ANKRD31: variants seen among roughly 807,000 people sequenced by gnomAD.
The protein encoded by ANKRD31 is ankyrin repeat domain 31, also known as ankyrin repeat domain-containing protein 31.
A neutral mutation model predicts 186.0 loss-of-function variants in ANKRD31; 147 were observed. The ratio of observed to expected loss-of-function variants is 0.79; its 90% CI spans 0.69 to 0.91. The LOEUF is 0.91. Among genes scored for constraint, ANKRD31 ranks in the 40% least tolerant of loss-of-function variants. ANKRD31 has a pLI of 0.00. For synonymous variants in ANKRD31, 673 were observed against 736.4 expected (o/e 0.91, Z 1.39); for missense variants, 1,986 against 2,148.8 (o/e 0.92, Z 1.50).
chr5:75,146,578 A>C lies in ANKRD31; in HGVS notation c.2833T>G (p.Phe945Val). The C allele has an allele frequency of 6.5e-7, 1 of 1,535,948 alleles. No individual in the cohort carries two copies. The highest frequency in any genetic ancestry group is 8.7e-7 in the Non-Finnish European group (1 of 1,146,242). The change falls in exon 14 of 26, where the codon TTT (phenylalanine) becomes GTT (valine). Residue 945 changes from phenylalanine (F) to valine (V), a missense_variant. Transcript: ENST00000506364. ...GAAAGATGATCTTCAGAAAGTAAAA[A>C]CTGTTGGAAACCCATTTCTTTTTTA... ...TNKKEMGFQQ[F>V]LLSEDHLSQE...
chr5:75,220,580 T>G (rs1757230159), intron 3 of ANKRD31, among the ~76,000 whole-genome samples: 1 of 150,748 alleles, frequency 6.6e-6, no homozygotes, highest in Admixed American at 6.6e-5. Context: ...AGGCAGACAC[T>G]ACAGTGAGCT....
At chr5:75,094,076 A>C (rs6453112) in intron 22 of ANKRD31, among the ~76,000 whole-genome samples, 76,738 of 152,010 alleles carry the variant, frequency 0.5, 22,319 homozygotes, top group African/African-American at 0.81. Context: ...ATAGATACAG[A>C]AGTTAGTGCT....
intron 3 of ANKRD31, among the ~76,000 whole-genome samples, chr5:75,220,153 A>C (rs577398221): frequency 6.6e-6 from 1 of 152,330 alleles, no homozygotes; most frequent in African/African-American, 2.4e-5. Flanking sequence ...ACCTAATTAA[A>C]CCAAACAGCT....
chr5:75,200,610 T>A (rs1755759760), intron 5 of ANKRD31, among the ~76,000 whole-genome samples: 1 of 150,210 alleles, frequency 6.7e-6, no homozygotes, highest in South Asian at 2.2e-4. Context: ...TTTACTTTCA[T>A]CATCAAGACC....
intron 1 of ANKRD31, among the ~76,000 whole-genome samples, chr5:75,234,080 T>C (rs1279981846): frequency 6.6e-6 from 1 of 152,242 alleles, no homozygotes; most frequent in Non-Finnish European, 1.5e-5. Context: ...AAATTATCCC[T>C]TTATGACAGA....
chr5:75,150,992 T>G (rs1751804840), intron 12 of ANKRD31, among the ~76,000 whole-genome samples: 1 of 151,988 alleles, frequency 6.6e-6, no homozygotes, highest in Non-Finnish European at 1.5e-5. Context: ...TTTGCTCTAA[T>G]GAACCATTAA....
intron 2 of ANKRD31, among the ~76,000 whole-genome samples, chr5:75,224,397 T>C (rs1025750481): frequency 6.6e-6 from 1 of 151,524 alleles, no homozygotes; most frequent in African/African-American, 2.4e-5. Flanking sequence ...TATATTATAC[T>C]AAAGCTAAGG....
At chr5:75,198,990 G>A (rs1755643958) in intron 6 of ANKRD31, among the ~76,000 whole-genome samples, 1 of 152,144 alleles carries the variant, frequency 6.6e-6, no homozygotes, top group South Asian at 2.1e-4. Flanking sequence ...CTGAGATAAA[G>A]TAAGCTACAG....
At position 75,188,538 on chromosome 5, in the gene ANKRD31, G is replaced by T. The variant is rs1201965168; in HGVS notation, c.1519C>A (p.His507Asn). The T allele has an allele frequency of 2.6e-5, 40 of 1,535,388 alleles. No individual in the cohort carries two copies. In the East Asian group the frequency reaches 9.8e-4, roughly 38 times the overall value. ...ACATTTCCACCTTTTTTTATACAAT[G>T]ATGAACAAGATCAGCATCATCGTGT... ...ALHDDADLVH[H>N]CIKKGGNVNQ... The change falls in exon 10 of 26, where the codon CAT becomes AAT. Residue 507 changes from histidine (H) to asparagine (N), a missense_variant. Coordinates refer to ENST00000506364, the MANE Select transcript of ANKRD31 (RefSeq NM_001372053.1).
intron 23 of ANKRD31, among the ~76,000 whole-genome samples, chr5:75,089,178 G>A (rs753651801): frequency 6.6e-6 from 1 of 152,154 alleles, no homozygotes; most frequent in Non-Finnish European, 1.5e-5. Context: ...AGCTTGGTCT[G>A]CTGCCTCCCA....
chr5:75,098,727 CTGTT>C (rs1179567964), intron 22 of ANKRD31, among the ~76,000 whole-genome samples: 3 of 152,164 alleles, frequency 2.0e-5, no homozygotes, highest in Non-Finnish European at 2.9e-5. Flanking sequence ...ATTTGGCTCT[CTGTT>C]TGTCTGTTGT....
chr5:75,191,185 G>C (rs775072102), intron 9 of ANKRD31, among the ~76,000 whole-genome samples: 16 of 152,082 alleles, frequency 1.1e-4, no homozygotes, highest in Non-Finnish European at 2.1e-4. Context: ...ATTAAAGTTA[G>C]TGTAAGGAAT....
intron 14 of ANKRD31, among the ~76,000 whole-genome samples, 171 bp downstream of exon 14, chr5:75,145,816 G>A (rs1454386872): frequency 1.3e-5 from 2 of 152,068 alleles, no homozygotes; most frequent in African/African-American, 2.4e-5. Flanking sequence ...TTTGACTTTC[G>A]AAGTAATCAC....
At chr5:75,173,073 C>G (rs1262846637) in intron 10 of ANKRD31, among the ~76,000 whole-genome samples, 1 of 152,162 alleles carries the variant, frequency 6.6e-6, no homozygotes, top group Non-Finnish European at 1.5e-5. Context: ...GGATGCAAAG[C>G]TGGTTCAACA....
chr5:75,134,236 T>C (rs13156665), intron 17 of ANKRD31, among the ~76,000 whole-genome samples: 4 of 151,970 alleles, frequency 2.6e-5, no homozygotes, highest in African/African-American at 9.7e-5. Context: ...GCTGGTTTTT[T>C]GAAAGCATCA....
At chr5:75,136,485 A>G (rs1750586821) in intron 17 of ANKRD31, among the ~76,000 whole-genome samples, 1 of 152,328 alleles carries the variant, frequency 6.6e-6, no homozygotes, top group Middle Eastern at 3.4e-3. Context: ...CACCAGTTAA[A>G]ATGGCCATCA....
chr5:75,071,489 G>A (rs944075661), intron 25 of ANKRD31, among the ~76,000 whole-genome samples: 1 of 147,524 alleles, frequency 6.8e-6, no homozygotes, highest in Non-Finnish European at 1.5e-5. Context: ...TCTGAGAAAA[G>A]CTGTTTTGTT....
intron 22 of ANKRD31, among the ~76,000 whole-genome samples, chr5:75,097,541 T>C (rs1254366913): frequency 6.6e-6 from 1 of 152,246 alleles, no homozygotes; most frequent in African/African-American, 2.4e-5. Context: ...AAGTTCTTTG[T>C]AGAGTCTGGG....
intron 10 of ANKRD31, among the ~76,000 whole-genome samples, chr5:75,171,207 T>A (rs1318805643): frequency 6.6e-6 from 1 of 152,056 alleles, no homozygotes; most frequent in Admixed American, 6.6e-5. Flanking sequence ...ACAAAGGAGA[T>A]AATATATTAT....
Sources: allele counts gnomAD v4.1 joint callset (sites outside exome capture counted in the v4.1 genomes callset), GRCh38; gene constraint gnomAD v4.1.1; transcripts MANE v1.5; gene names NCBI Gene and HGNC (gene_info 2026-07-23, HGNC 2026-07-21).